Variants in TBC1D19 observed in about 807,000 individuals in gnomAD.
The protein encoded by TBC1D19 is TBC1 domain family member 19, also known as TBC1 domain family, member 19.
TBC1D19 carries 60 observed loss-of-function variants against 89.0 expected under a neutral mutation model. The ratio of observed to expected loss-of-function variants is 0.67; its 90% confidence interval spans 0.55 to 0.84. The LOEUF (loss-of-function observed/expected upper bound fraction) is 0.84. Ranked by LOEUF, TBC1D19 falls within the 40% of genes least tolerant of loss-of-function variation. The probability of loss-of-function intolerance (pLI) is 0.00; values close to 1 mark genes in which losing one functional copy is unlikely to be tolerated. For missense variants in TBC1D19, 500 were observed against 610.8 expected, an observed-to-expected ratio of 0.82 and a Z score of 1.91; for synonymous variants, 189 against 199.7, an observed-to-expected ratio of 0.95 and a Z score of 0.45.
intron 20 of TBC1D19, 137 bp downstream of exon 20, chr4:26,754,027 G>A: frequency 2.6e-6 from 2 of 764,276 alleles, no homozygotes; most frequent in Non-Finnish European, 4.3e-6. Context: ...GTTAAGTTCT[G>A]AGCTAATAAT....
chr4:26,629,029 A>G (rs1742621269), intron 4 of TBC1D19, among the ~76,000 whole-genome samples: 1 of 151,938 alleles, frequency 6.6e-6, no homozygotes, highest in African/African-American at 2.4e-5. Flanking sequence ...TTCCAGTCTC[A>G]TCTCTTGCCT....
At position 26,717,847 on chromosome 4, in the gene TBC1D19, A is replaced by G. The variant is rs577701528; in HGVS notation, c.955-86A>G. 4.5e-5 allele frequency: 49 copies of G among 1,091,490 alleles called. No individual in the cohort carries two copies. The African/African-American group carries it at 6.0e-4, about 13-fold the overall frequency. 67.6% of individuals were successfully genotyped at this position (1,091,490 alleles called of 1,614,324 possible). On this transcript the variant is annotated intron_variant, in intron 13 of 20. Coordinates refer to ENST00000264866, the MANE Select transcript of TBC1D19 (RefSeq NM_018317.4). ...CCGCAAGGCACGGTACTTGAACTTG[A>G]AGGATGCCTCCTGAGTAGGAAATAA...
intron 19 of TBC1D19, among the ~76,000 whole-genome samples, chr4:26,753,509 A>C (rs1719093828): frequency 6.6e-6 from 1 of 152,212 alleles, no homozygotes; most frequent in Non-Finnish European, 1.5e-5. Flanking sequence ...TTAGATCTTC[A>C]TGCCATTTTA....
intron 16 of TBC1D19, among the ~76,000 whole-genome samples, chr4:26,735,894 C>T (rs1718014459): frequency 6.6e-6 from 1 of 151,158 alleles, no homozygotes; most frequent in Non-Finnish European, 1.5e-5. Flanking sequence ...AGTCAGGAAA[C>T]AATAGGTGCT....
chr4:26,627,593 G>T (rs1453996735), intron 4 of TBC1D19, among the ~76,000 whole-genome samples: 1 of 152,130 alleles, frequency 6.6e-6, no homozygotes, highest in African/African-American at 2.4e-5. Context: ...TAACTGGTGT[G>T]AGATGGTATC....
At chr4:26,634,312 T>G (rs1324592752) in intron 4 of TBC1D19, among the ~76,000 whole-genome samples, 2 of 152,156 alleles carry the variant, frequency 1.3e-5, no homozygotes, top group Non-Finnish European at 2.9e-5. Flanking sequence ...TGGCTTTTTG[T>G]ATGGGTCCCA....
the TBC1D19 span, among the ~76,000 whole-genome samples, chr4:26,811,811 C>T: frequency 7.7e-3 from 1,170 of 152,262 alleles, 17 homozygotes; most frequent in African/African-American, 0.027. Context: ...CACTGGTGGG[C>T]GTGTAGCAGT....
the TBC1D19 span, among the ~76,000 whole-genome samples, chr4:26,782,746 T>A: frequency 4.6e-5 from 7 of 151,674 alleles, no homozygotes; most frequent in South Asian, 2.1e-4. Flanking sequence ...ACTTTTTTTT[T>A]AATAAAACAA....
chr4:26,833,703 C>T, the TBC1D19 span, among the ~76,000 whole-genome samples: 1 of 152,232 alleles, frequency 6.6e-6, no homozygotes, highest in Non-Finnish European at 1.5e-5. Context: ...GTTACTTCCA[C>T]ACAATGTGTC....
the TBC1D19 span, among the ~76,000 whole-genome samples, chr4:26,837,715 C>T: frequency 6.6e-6 from 1 of 152,096 alleles, no homozygotes; most frequent in Non-Finnish European, 1.5e-5. Flanking sequence ...AAACAGGACA[C>T]CGGATGAGAT....
At chr4:26,774,850 T>C in the TBC1D19 span, among the ~76,000 whole-genome samples, 8 of 152,238 alleles carry the variant, frequency 5.3e-5, no homozygotes, top group East Asian at 9.6e-4. Flanking sequence ...ATTGTAAGAG[T>C]GATATCCCTC....
chr4:26,855,643 G>T, the TBC1D19 span, among the ~76,000 whole-genome samples: 1 of 152,184 alleles, frequency 6.6e-6, no homozygotes, highest in African/African-American at 2.4e-5. Flanking sequence ...GAAGAGGGAG[G>T]TGGGCAGCCC....
intron 15 of TBC1D19, among the ~76,000 whole-genome samples, chr4:26,735,158 G>T (rs2109305076): frequency 6.6e-6 from 1 of 151,198 alleles, no homozygotes; most frequent in East Asian, 2.0e-4. Context: ...GTGTGTATGT[G>T]TATATGTATG....
At chr4:26,595,278 G>T (rs1452567509) in intron 1 of TBC1D19, among the ~76,000 whole-genome samples, 1 of 151,872 alleles carries the variant, frequency 6.6e-6, no homozygotes, top group Non-Finnish European at 1.5e-5. Context: ...TTTTTAATTG[G>T]GTTGTTTTCT....
At chr4:26,824,697 A>G in the TBC1D19 span, among the ~76,000 whole-genome samples, 7 of 150,018 alleles carry the variant, frequency 4.7e-5, no homozygotes, top group East Asian at 1.9e-4. Context: ...TTTTTTTGCT[A>G]TCATTTACTT....
intron 12 of TBC1D19, among the ~76,000 whole-genome samples, chr4:26,686,728 T>C (rs1332314685): frequency 6.6e-6 from 1 of 152,154 alleles, no homozygotes; most frequent in East Asian, 1.9e-4. Flanking sequence ...TCTCTACCTT[T>C]GTCTGGGTTG....
At chr4:26,700,472 T>C (rs1307432491) in intron 13 of TBC1D19, among the ~76,000 whole-genome samples, 1 of 152,158 alleles carries the variant, frequency 6.6e-6, no homozygotes, top group African/African-American at 2.4e-5. Context: ...CAGAACTTCA[T>C]GGGCCTTCAT....
At chr4:26,589,132 A>G (rs1290604113) in intron 1 of TBC1D19, among the ~76,000 whole-genome samples, 1 of 152,068 alleles carries the variant, frequency 6.6e-6, no homozygotes, top group Non-Finnish European at 1.5e-5. Context: ...AAAATTAGCC[A>G]GGTGTGGTGG....
intron 1 of TBC1D19, among the ~76,000 whole-genome samples, chr4:26,577,281 TCGTGTGTGTGTGTGTGTGTG>T (rs1738994513): frequency 6.6e-6 from 1 of 151,534 alleles, no homozygotes; most frequent in Admixed American, 6.6e-5. Flanking sequence ...CTCTTCTCTC[TCGTGTGTGTGTGTGTGTGTG>T]CGTGTGTGTG....
Sources: allele counts gnomAD v4.1 joint callset (sites outside exome capture counted in the v4.1 genomes callset), GRCh38; gene constraint gnomAD v4.1.1; transcripts MANE v1.5; gene names NCBI Gene and HGNC (gene_info 2026-07-23, HGNC 2026-07-21).